Variants in ATP8A2 observed in about 807,000 individuals in gnomAD.
ATP8A2 encodes phospholipid-transporting ATPase IB.
Under a neutral mutation model 165.6 loss-of-function variants are expected in ATP8A2, and 100 were observed. That is an observed-to-expected ratio of 0.60 (90% CI 0.51 to 0.71). The LOEUF (loss-of-function observed/expected upper bound fraction) is 0.71, where lower values mean the gene tolerates loss of function less well. Among genes scored for constraint, ATP8A2 ranks in the 30% least tolerant of loss-of-function variants. The probability of loss-of-function intolerance (pLI) is 0.00; values close to 1 mark genes in which losing one functional copy is unlikely to be tolerated. For missense variants in ATP8A2, 1,227 were observed against 1,479.5 expected, an observed-to-expected ratio of 0.83 and a Z score of 2.80; for synonymous variants, 543 against 548.8, an observed-to-expected ratio of 0.99 and a Z score of 0.15.
chr13:25,396,606 G>C (rs913459198), intron 1 of ATP8A2, among the ~76,000 whole-genome samples: 1 of 152,112 alleles, frequency 6.6e-6, no homozygotes, highest in East Asian at 1.9e-4. Context: ...TTGACCCCGG[G>C]TAGCCTGCAA....
intron 24 of ATP8A2, among the ~76,000 whole-genome samples, chr13:25,680,984 A>G (rs1315759848): frequency 6.6e-6 from 1 of 152,190 alleles, no homozygotes; most frequent in Non-Finnish European, 1.5e-5. Context: ...ATTGCAGACA[A>G]CTCAATCAAA....
At chr13:25,408,409 T>C (rs981993470) in intron 1 of ATP8A2, among the ~76,000 whole-genome samples, 1 of 149,808 alleles carries the variant, frequency 6.7e-6, no homozygotes, top group South Asian at 2.1e-4. Context: ...AAAAAGCTTG[T>C]GCAGGATCCC....
intron 25 of ATP8A2, among the ~76,000 whole-genome samples, chr13:25,740,731 A>G (rs1023194024): frequency 2.6e-5 from 4 of 152,208 alleles, no homozygotes; most frequent in African/African-American, 7.2e-5. Context: ...AGTTGCTTAA[A>G]TTGGTTGGAG....
intron 10 of ATP8A2, among the ~76,000 whole-genome samples, chr13:25,546,852 G>A (rs1316116390): frequency 3.3e-5 from 5 of 152,174 alleles, no homozygotes; most frequent in African/African-American, 9.7e-5. Context: ...CAGTCTGGCC[G>A]GGGGCAGTGG....
chr13:25,722,801 T>C (rs1593249980), intron 25 of ATP8A2, among the ~76,000 whole-genome samples: 2 of 152,232 alleles, frequency 1.3e-5, no homozygotes, highest in Non-Finnish European at 2.9e-5. Context: ...GATCATATCC[T>C]CCTTTCTATC....
chr13:25,399,301 A>G (rs978379378), intron 1 of ATP8A2, among the ~76,000 whole-genome samples: 10 of 151,802 alleles, frequency 6.6e-5, no homozygotes, highest in African/African-American at 2.4e-4. Context: ...CATTTCTCAC[A>G]AATTCTCAGG....
At chr13:25,454,147 A>C (rs1207449812) in intron 1 of ATP8A2, among the ~76,000 whole-genome samples, 1 of 152,134 alleles carries the variant, frequency 6.6e-6, no homozygotes, top group Non-Finnish European at 1.5e-5. Context: ...TCAGGGGCGA[A>C]CTGCGTGGTC....
At chr13:26,015,944 G>A (rs1029730493) in intron 36 of ATP8A2, among the ~76,000 whole-genome samples, 28 of 152,354 alleles carry the variant, frequency 1.8e-4, no homozygotes, top group African/African-American at 6.7e-4. Flanking sequence ...TGGGGAGCAG[G>A]TCTGTATCTT....
intron 21 of ATP8A2, among the ~76,000 whole-genome samples, chr13:25,579,243 AC>A (rs2039702367): frequency 6.6e-6 from 1 of 152,206 alleles, no homozygotes; most frequent in Non-Finnish European, 1.5e-5. Context: ...AATTCATGGA[AC>A]CCATAGTGAG....
intron 1 of ATP8A2, among the ~76,000 whole-genome samples, chr13:25,379,220 C>A (rs971720784): frequency 9.9e-5 from 15 of 151,932 alleles, no homozygotes; most frequent in African/African-American, 3.6e-4. Flanking sequence ...GCTCCTCCTC[C>A]CTTTTCTATC....
Position 25,509,487 on chromosome 13 carries a change from CTATTAA to C in ATP8A2, c.222-20500_222-20495del, listed in dbSNP as rs761707931. Among the ~76,000 whole-genome samples the C allele has an allele frequency of 3.4e-4, 51 of 152,006 alleles. 1 individual carries two copies. The highest frequency in any genetic ancestry group is 3.3e-4 in the Admixed American group (5 of 15,280). ...AATATGGAGGGGAAAGTATTATGGA[CTATTAA>C]TATTAATATTATAGTATTTAATAAA... On this transcript the variant is annotated intron_variant, in intron 2 of 36. Coordinates refer to ENST00000381655, the MANE Select transcript of ATP8A2 (RefSeq NM_016529.6).
At chr13:25,791,542 TACACACACAC>T (rs55661899) in intron 27 of ATP8A2, among the ~76,000 whole-genome samples, 5 of 143,060 alleles carry the variant, frequency 3.5e-5, no homozygotes, top group Non-Finnish European at 7.6e-5. Flanking sequence ...CACACACACA[TACACACACAC>T]ACACACACAC....
chr13:25,644,215 G>T (rs2041611622), intron 24 of ATP8A2, among the ~76,000 whole-genome samples: 1 of 151,980 alleles, frequency 6.6e-6, no homozygotes, highest in African/African-American at 2.4e-5. Context: ...TTCCAATTTG[G>T]ATGCCTTTTA....
intron 1 of ATP8A2, among the ~76,000 whole-genome samples, chr13:25,434,045 A>G (rs954129772): frequency 1.3e-5 from 2 of 152,332 alleles, no homozygotes; most frequent in East Asian, 3.9e-4. Context: ...TGGGTATACT[A>G]GAAACCCAGT....
intron 25 of ATP8A2, among the ~76,000 whole-genome samples, chr13:25,742,191 A>G (rs1444774386): frequency 2.0e-5 from 3 of 152,152 alleles, no homozygotes; most frequent in East Asian, 3.8e-4. Context: ...GGTGATTGCA[A>G]CACAGTGGTA....
chr13:25,899,114 G>C (rs759676325), intron 33 of ATP8A2, among the ~76,000 whole-genome samples: 1 of 152,218 alleles, frequency 6.6e-6, no homozygotes, highest in Non-Finnish European at 1.5e-5. Flanking sequence ...CCCGTCTTCT[G>C]TGTCGCTCAC....
At chr13:25,816,057 T>A (rs1951010740) in intron 27 of ATP8A2, among the ~76,000 whole-genome samples, 1 of 152,168 alleles carries the variant, frequency 6.6e-6, no homozygotes, top group Non-Finnish European at 1.5e-5. Flanking sequence ...AATTTCAGTT[T>A]GGAGTGATGA....
chr13:25,993,294 T>A (rs1035552642), intron 35 of ATP8A2, among the ~76,000 whole-genome samples: 1 of 152,182 alleles, frequency 6.6e-6, no homozygotes, highest in Non-Finnish European at 1.5e-5. Flanking sequence ...GCCAATATCA[T>A]ACTGAATGGG....
rs370443517 is a variant in ATP8A2 at position 25,666,298 on chromosome 13, C to G, written c.2212-32875C>G. On this transcript the variant is annotated intron_variant, in intron 24 of 36. Coordinates refer to ENST00000381655, the MANE Select transcript of ATP8A2 (RefSeq NM_016529.6). ...CAATCTTGGCTCACTGCAACCTATA[C>G]TTCCCAGTTCAAGTGATTCTTCTGC... Among the ~76,000 whole-genome samples, 26 of 152,278 alleles carry G rather than the reference C, an allele frequency of 1.7e-4. No homozygotes were observed. In the East Asian group the frequency reaches 4.0e-3, roughly 24 times the overall value.
Sources: gnomAD v4.1 joint callset for allele counts (sites outside exome capture counted in the v4.1 genomes callset) on GRCh38, gnomAD v4.1.1 for gene constraint, MANE v1.5 for transcripts, NCBI Gene and HGNC (gene_info 2026-07-23, HGNC 2026-07-21) for gene names.